The following UGGT1 variants were observed in gnomAD, a reference collection of about 807,000 sequenced individuals.
UGGT1 encodes UDP-glucose:glycoprotein glucosyltransferase 1.
Under a neutral mutation model 203.9 loss-of-function variants are expected in UGGT1, and 107 were observed. The ratio of observed to expected loss-of-function variants is 0.52; its 90% CI spans 0.45 to 0.62. The LOEUF is 0.62. Ranked by LOEUF, UGGT1 falls within the 20% of genes least tolerant of loss-of-function variation. The pLI, the probability that UGGT1 is intolerant of heterozygous loss-of-function variation, is 0.00. For synonymous variants in UGGT1, 628 were observed against 653.5 expected, an observed-to-expected ratio of 0.96 and a Z score of 0.59; for missense variants, 1,673 against 1,867.2, an observed-to-expected ratio of 0.90 and a Z score of 1.92.
chr2:128,186,751 A>G lies in UGGT1; in HGVS notation c.4428A>G (p.Glu1476=). Residue 1476 remains glutamate, a synonymous_variant, in exon 39 of 41, where the codon GAA becomes GAG. Coordinates refer to ENST00000259253, the MANE Select transcript of UGGT1 (RefSeq NM_020120.4). ...KSLPQEWLWC[E]TWCDDASKKR... is the part of the protein sequence containing the mutation. The stretch of plus-strand genomic sequence containing the variant: ...TCCCTCAAGAATGGCTTTGGTGTGA[A>G]ACGTGGTGTGATGACGCCTCTAAGA... The G allele has an allele frequency of 6.2e-7, 1 of 1,613,740 alleles. No individual in the cohort carries two copies. The highest frequency in any genetic ancestry group is 8.5e-7 in the Non-Finnish European group (1 of 1,179,782).
At chr2:128,107,577 G>A (rs1687661574) in intron 3 of UGGT1, among the ~76,000 whole-genome samples, 4 of 152,212 alleles carry the variant, frequency 2.6e-5, no homozygotes, top group Admixed American at 2.0e-4. Flanking sequence ...CGTGTTCTGG[G>A]ATTGAGGAAG....
chr2:128,173,793 G>A lies in UGGT1; in HGVS notation c.3307G>A (p.Val1103Met), dbSNP rs1691234655. ...NIYLEEVDSV[V>M]AAEYELEYLL... ...TTTTGGCTTGCAGGTGGACAGTGTA[G>A]TGGCTGCTGAGTATGAGCTGGAATA... Residue 1103 changes from valine (V) to methionine (M), a missense_variant, in exon 30 of 41, where the codon GTG (valine) becomes ATG (methionine). Val to Met is a conservative substitution (Grantham distance 21). This residue lies in a region of UGGT1 where 513 missense variants were observed against 684.1 expected (regional missense o/e 0.75). Transcript: ENST00000259253. 1.9e-6 allele frequency: 3 copies of A among 1,614,126 alleles called. No homozygotes were observed. The highest frequency in any genetic ancestry group is 2.5e-6 in the Non-Finnish European group (3 of 1,180,006).
intron 40 of UGGT1, among the ~76,000 whole-genome samples, chr2:128,189,456 T>C (rs1291706524): frequency 1.3e-5 from 2 of 152,242 alleles, no homozygotes; most frequent in Non-Finnish European, 2.9e-5. Context: ...ATGCAACGTT[T>C]ACTGAAAGTA....
chr2:128,143,310 C>T lies in UGGT1; in HGVS notation c.1851+85C>T, dbSNP rs115901443. Reference sequence around the variant, plus strand: ...GTTTGGGGGCTTTGGTTAATAATGGCGATGGTGGTTAAAGTGTTTCAGTAC... The same window carrying T: ...GTTTGGGGGCTTTGGTTAATAATGGTGATGGTGGTTAAAGTGTTTCAGTAC... On this transcript the variant is annotated intron_variant, in intron 17 of 40. Transcript: ENST00000259253. The T allele has an allele frequency of 8.4e-4, 1,177 of 1,398,470 alleles. 11 individuals are homozygous for T. The African/African-American group carries it at 0.015, about 18-fold the overall frequency. 86.6% of individuals were successfully genotyped at this position (1,398,470 alleles called of 1,614,324 possible).
At chr2:128,110,956 A>C (rs974965420) in intron 5 of UGGT1, among the ~76,000 whole-genome samples, 1 of 152,216 alleles carries the variant, frequency 6.6e-6, no homozygotes, top group African/African-American at 2.4e-5. Flanking sequence ...GTTTATTATA[A>C]TAGAGACTGG....
intron 5 of UGGT1, among the ~76,000 whole-genome samples, chr2:128,112,473 T>TATA (rs1553433485): frequency 2.9e-4 from 35 of 120,364 alleles, no homozygotes; most frequent in East Asian, 5.4e-4. Context: ...TATATATATA[T>TATA]TACATACATA....
intron 13 of UGGT1, among the ~76,000 whole-genome samples, chr2:128,130,798 T>C (rs569653259): frequency 3.9e-5 from 6 of 152,276 alleles, no homozygotes; most frequent in African/African-American, 1.4e-4. Flanking sequence ...TCTTTCTTTC[T>C]TTTGTTTTTT....
intron 9 of UGGT1, 120 bp downstream of exon 9, chr2:128,120,576 AAAGAT>A: frequency 2.6e-6 from 2 of 763,776 alleles, no homozygotes; most frequent in East Asian, 2.5e-5. Flanking sequence ...CTCAGATTTT[AAAGAT>A]AAGAGTGATT....
Position 128,172,640 on chromosome 2 carries a change from A to G in UGGT1, c.3172A>G (p.Ile1058Val). The change falls in exon 29 of 41, where the codon ATC becomes GTC. Residue 1058 changes from isoleucine (I) to valine (V), a missense_variant. Around this residue, in one of 4 missense-constraint regions of UGGT1, gnomAD observed 513 missense variants for 684.1 expected, o/e 0.75. Transcript: ENST00000259253. ...TSDNSFAKGPIAKFLDMPQSP... is the reference protein window; with the variant it reads ...TSDNSFAKGPVAKFLDMPQSP... Reference sequence around the variant, plus strand: ...AGACAATAGTTTTGCTAAGGGTCCAATCGCAAAATTTTTGGATATGCCTCA... The same window carrying G: ...AGACAATAGTTTTGCTAAGGGTCCAGTCGCAAAATTTTTGGATATGCCTCA... 6.2e-6 allele frequency: 10 copies of G among 1,614,144 alleles called. No individual in the cohort carries two copies. Among genetic ancestry groups the G allele is most frequent in the Non-Finnish European group, 8.5e-6 (10 of 1,180,028 alleles).
intron 11 of UGGT1, among the ~76,000 whole-genome samples, chr2:128,124,505 A>G (rs1688521251): frequency 6.6e-6 from 1 of 152,066 alleles, no homozygotes; most frequent in Non-Finnish European, 1.5e-5. Flanking sequence ...GGGCCCTTAA[A>G]ATCTTGAAAA....
chr2:128,170,386 T>A lies in UGGT1; in HGVS notation c.3020T>A (p.Leu1007His), dbSNP rs1691033451. 1 of 1,613,782 alleles carries A rather than the reference T, an allele frequency of 6.2e-7. No homozygotes were observed. Among genetic ancestry groups the A allele is most frequent in the Non-Finnish European group, 8.5e-7 (1 of 1,179,780 alleles). ...GAAGCACAGAGACTTGCTCCTTTGC[T>A]CTTGGTAGGAACGCTGTGCAGGAAG... ...TREAQRLAPL[L>H]LVLAQLINMN... The change falls in exon 27 of 41, where the codon CTC (leucine) becomes CAC (histidine). Residue 1007 changes from leucine (L) to histidine (H), a missense_variant. By Grantham distance (99) the Leu-to-His change is moderately conservative (BLOSUM62 -3). Around this residue, in one of 4 missense-constraint regions of UGGT1, gnomAD observed 513 missense variants for 684.1 expected, o/e 0.75. Coordinates refer to ENST00000259253, the MANE Select transcript of UGGT1 (RefSeq NM_020120.4).
Position 128,138,763 on chromosome 2 carries a change from A to T in UGGT1, c.1630A>T (p.Met544Leu). ...VVNDSEDVDG[M>L]QDAGVAVLRA... ...TAATGACTCTGAAGATGTTGATGGG[A>T]TGCAAGATGCTGGAGTGGCTGTTCT... Residue 544 changes from methionine (M) to leucine (L), a missense_variant, in exon 16 of 41, where the codon ATG (methionine) becomes TTG (leucine). This residue lies in a region of UGGT1 where 1,073 missense variants were observed against 1,078.7 expected (regional missense o/e 0.99). Transcript: ENST00000259253. 1.9e-6 allele frequency: 3 copies of T among 1,614,110 alleles called. No individual in the cohort carries two copies. The highest frequency in any genetic ancestry group is 2.5e-6 in the Non-Finnish European group (3 of 1,180,028).
rs1014475459 is a variant in UGGT1, at chr2:128,127,600, C to G, written c.1226+148C>G. On this transcript the variant is annotated intron_variant, in intron 12 of 40. Transcript: ENST00000259253. ...ACTGGGTGGACGTAGGTAGTAGGCA[C>G]ATGCCATGATGGGTAGGCAGGATGA... The G allele has an allele frequency of 1.5e-5, 9 of 616,710 alleles. No individual in the cohort carries two copies. The African/African-American group carries it at 1.7e-4, about 11-fold the overall frequency. The allele number at this position is 616,710 out of a possible 1,614,324, so 38.2% of individuals were successfully genotyped here. A position where few individuals can be genotyped will look rare whatever the true frequency, so the allele number is the denominator to read the frequency against.
chr2:128,104,544 A>C (rs1687517465), intron 3 of UGGT1, among the ~76,000 whole-genome samples: 1 of 152,372 alleles, frequency 6.6e-6, no homozygotes, highest in Non-Finnish European at 1.5e-5. Context: ...ACTTCGTATA[A>C]GCTATATAGG....
chr2:128,128,892 G>C (rs562374141), intron 12 of UGGT1, 137 bp from the exon 13 acceptor site: 1 of 784,854 alleles, frequency 1.3e-6, no homozygotes, highest in South Asian at 2.2e-5. Flanking sequence ...CTCAATTTGT[G>C]TGTTTATTGC....
intron 15 of UGGT1, 129 bp from the exon 16 acceptor site, chr2:128,138,588 A>C: frequency 9.4e-7 from 1 of 1,064,940 alleles, no homozygotes; most frequent in Non-Finnish European, 1.3e-6. Context: ...TAGGCTGTGA[A>C]CTGTGCTTTT....
Position 128,138,771 on chromosome 2 carries a change from T to C in UGGT1, c.1638T>C (p.Asp546=). 12 of 1,614,220 alleles carry C rather than the reference T, an allele frequency of 7.4e-6. No individual in the cohort carries two copies. Among genetic ancestry groups the C allele is most frequent in the Non-Finnish European group, 1.0e-5 (12 of 1,180,046 alleles). The change falls in exon 16 of 41, where the codon GAT becomes GAC. Residue 546 remains aspartate (D), a synonymous_variant. Transcript: ENST00000259253. Reference sequence around the variant, plus strand: ...CTGAAGATGTTGATGGGATGCAAGATGCTGGAGTGGCTGTTCTTAGAGCAT... The same window carrying C: ...CTGAAGATGTTGATGGGATGCAAGACGCTGGAGTGGCTGTTCTTAGAGCAT... The part of the protein sequence containing the change: ...NDSEDVDGMQ[D]AGVAVLRAYN...
At chr2:128,162,866 G>T (rs970265012) in intron 25 of UGGT1, among the ~76,000 whole-genome samples, 24 of 152,178 alleles carry the variant, frequency 1.6e-4, no homozygotes, top group Non-Finnish European at 4.4e-5. Context: ...TCTTTCCTGG[G>T]TGAATTTAGG....
intron 3 of UGGT1, among the ~76,000 whole-genome samples, chr2:128,105,694 T>C (rs187670253): frequency 1.3e-5 from 2 of 152,066 alleles, no homozygotes; most frequent in East Asian, 1.9e-4. Context: ...TTTGTAGTTT[T>C]AGCAGAGACG....
Sources: gnomAD v4.1 joint callset for allele counts (sites outside exome capture counted in the v4.1 genomes callset) on GRCh38, gnomAD v4.1.1 for gene constraint, gnomAD v4.1.1 regional missense constraint, MANE v1.5 for transcripts, NCBI Gene and HGNC (gene_info 2026-07-23, HGNC 2026-07-21) for gene names.